Variants in ALPL observed in about 807,000 individuals in gnomAD.
ALPL encodes the protein alkaline phosphatase, tissue-nonspecific isozyme.
Under a neutral mutation model 51.3 loss-of-function variants are expected in ALPL, and 42 were observed. That is an observed-to-expected ratio of 0.82 (90% CI 0.64 to 1.06). The LOEUF (loss-of-function observed/expected upper bound fraction) is 1.06. Ranked by LOEUF, ALPL falls within the 50% of genes least tolerant of loss-of-function variation. The pLI is 0.00. For synonymous variants in ALPL, 279 were observed against 296.4 expected, an observed-to-expected ratio of 0.94 and a Z score of 0.60; for missense variants, 589 against 709.4, an observed-to-expected ratio of 0.83 and a Z score of 1.93.
At chr1:21,532,586 G>A (rs1644044962) in intron 1 of ALPL, among the ~76,000 whole-genome samples, 1 of 152,212 alleles carries the variant, frequency 6.6e-6, no homozygotes, top group Non-Finnish European at 1.5e-5. Context: ...GAATGAGAGA[G>A]TGTAAAAAAT....
intron 11 of ALPL, 132 bp from the exon 12 acceptor site, chr1:21,577,251 C>T: frequency 6.9e-7 from 1 of 1,444,702 alleles, no homozygotes; most frequent in South Asian, 1.2e-5. Flanking sequence ...AATGACTTTC[C>T]CACATTGAGC....
intron 1 of ALPL, among the ~76,000 whole-genome samples, chr1:21,541,537 A>C (rs954546951): frequency 2.0e-4 from 31 of 152,254 alleles, no homozygotes; most frequent in African/African-American, 7.0e-4. Context: ...GGCCTCTGCC[A>C]GCCACGGGGC....
Position 21,545,282 on chromosome 1 carries a change from T to C in ALPL, c.-104-8696T>C, listed in dbSNP as rs11583194. On this transcript the variant is annotated intron_variant, in intron 1 of 11. Transcript: ENST00000374840. ...TCACCAAGTTTTGGGGGTTTTTTTG[T>C]TTTTGTTTTTGTTTTTGTTTTTTTT... is the stretch of plus-strand genomic sequence containing the variant. 2.0e-3 allele frequency among the ~76,000 whole-genome samples: 301 copies of C among 151,688 alleles called. 2 individuals carry two copies. Among genetic ancestry groups the C allele is most frequent in the African/African-American group, 7.1e-3 (294 of 41,276 alleles).
At chr1:21,517,759 G>A (rs931742728) in intron 1 of ALPL, among the ~76,000 whole-genome samples, 2 of 152,056 alleles carry the variant, frequency 1.3e-5, no homozygotes, top group Non-Finnish European at 2.9e-5. Flanking sequence ...TTTGAATGAG[G>A]CAAGGCCTTA....
rs558655702 is a variant in ALPL, at chr1:21,515,956, G to A, written c.-105+6439G>A. Among the ~76,000 whole-genome samples the A allele has an allele frequency of 1.6e-4, 25 of 152,168 alleles. No individual in the cohort carries two copies. The South Asian group carries it at 5.0e-3, about 30-fold the overall frequency. ...TGGCACGATCATGGCTCACTACAGT[G>A]CAGCCTTGACTTCCTGGACTCAAGC... On this transcript the variant is annotated intron_variant, in intron 1 of 11. Coordinates refer to ENST00000374840, the MANE Select transcript of ALPL (RefSeq NM_000478.6).
intron 1 of ALPL, among the ~76,000 whole-genome samples, chr1:21,516,080 A>G (rs1377036588): frequency 6.6e-6 from 1 of 151,858 alleles, no homozygotes; most frequent in Non-Finnish European, 1.5e-5. Context: ...AGGTCTTGCA[A>G]TGTTGCCCAG....
rs920960980 is a variant in ALPL, at chr1:21,568,130, C to T, written c.675C>T (p.Tyr225=). The stretch of plus-strand genomic sequence containing the variant: ...TGATCATGGGGGGTGGCCGGAAATA[C>T]ATGTACCCCAAGAATAAAACTGATG... ...IDVIMGGGRK[Y]MYPKNKTDVE... is the part of the protein sequence containing the mutation. The change falls in exon 7 of 12, where the codon TAC becomes TAT. Residue 225 remains tyrosine, a synonymous_variant. Coordinates refer to ENST00000374840, the MANE Select transcript of ALPL (RefSeq NM_000478.6). The T allele has an allele frequency of 2.3e-5, 37 of 1,613,940 alleles. No homozygotes were observed. Among genetic ancestry groups the T allele is most frequent in the Middle Eastern group, 1.6e-4 (1 of 6,084 alleles).
At chr1:21,573,432 GTC>G (rs1436593957) in intron 8 of ALPL, among the ~76,000 whole-genome samples, 5 of 120,304 alleles carry the variant, frequency 4.2e-5, no homozygotes. Context: ...GTGAGACTCT[GTC>G]TCAAAAAAAA....
intron 1 of ALPL, among the ~76,000 whole-genome samples, chr1:21,533,094 C>CAGTT (rs1644052825): frequency 6.6e-6 from 1 of 152,200 alleles, no homozygotes. Context: ...TATCATGGAG[C>CAGTT]AGTTCTTTCA....
chr1:21,545,813 A>T (rs1644247163), intron 1 of ALPL, among the ~76,000 whole-genome samples: 1 of 151,680 alleles, frequency 6.6e-6, no homozygotes, highest in Non-Finnish European at 1.5e-5. Flanking sequence ...TTATTTTTTT[A>T]TATTTTATTT....
chr1:21,553,850 C>T, intron 1 of ALPL, 128 bp from the exon 2 acceptor site: 2 of 565,426 alleles, frequency 3.5e-6, no homozygotes, highest in Non-Finnish European at 6.5e-6. Context: ...ATGTTGAGCC[C>T]CATGCCTGGT....
chr1:21,509,339 C>CGGGGGCGGGGGA (rs1255137754), upstream of ALPL: 1 of 5,814 alleles, frequency 1.7e-4, no homozygotes, highest in Non-Finnish European at 3.5e-4. This position sits in a 1 kb window ranked among gnomAD's most constrained non-coding sequence, Gnocchi z 6.0. Flanking sequence ...GGGTTGGGGC[C>CGGGGGCGGGGGA]GGGGGCGGGG....
chr1:21,512,289 C>G (rs1028509517), intron 1 of ALPL, among the ~76,000 whole-genome samples: 1 of 152,176 alleles, frequency 6.6e-6, no homozygotes, highest in Non-Finnish European at 1.5e-5. Flanking sequence ...TCATTCCCAG[C>G]ACTGCCATGC....
chr1:21,529,495 C>G (rs6702499), intron 1 of ALPL, among the ~76,000 whole-genome samples: 1 of 152,118 alleles, frequency 6.6e-6, no homozygotes, highest in Non-Finnish European at 1.5e-5. Flanking sequence ...GAATTCCAGT[C>G]ATGAGCCACC....
At chr1:21,542,163 A>G (rs1021037734) in intron 1 of ALPL, among the ~76,000 whole-genome samples, 1 of 151,888 alleles carries the variant, frequency 6.6e-6, no homozygotes, top group Non-Finnish European at 1.5e-5. Flanking sequence ...CTTCCCTATG[A>G]CTCTGCAGCT....
chr1:21,564,802 A>G lies in ALPL; in HGVS notation c.648+586A>G, dbSNP rs116550824. 0.022 allele frequency among the ~76,000 whole-genome samples: 3,356 copies of G among 152,290 alleles called. 118 individuals are homozygous for G. The highest frequency in any genetic ancestry group is 0.077 in the African/African-American group (3,214 of 41,552). ...ATAAGCTTATGCCAAGAACTGATTA[A>G]GATAATCCCTGTGGAGCTCAGCACA... On this transcript the variant is annotated intron_variant, in intron 6 of 11. Transcript: ENST00000374840. The surrounding 1 kb of genome is among the most constrained non-coding windows in gnomAD (Gnocchi z 5.8).
intron 7 of ALPL, among the ~76,000 whole-genome samples, chr1:21,569,982 C>T (rs1570288940): frequency 6.6e-6 from 1 of 152,178 alleles, no homozygotes. Context: ...CTGGAATAGC[C>T]TTCCTGACCC....
Position 21,577,780 on chromosome 1 carries a change from CAA to C in ALPL, c.*134_*135del, listed in dbSNP as rs1644763265. The C allele has an allele frequency of 8.3e-7, 1 of 1,203,484 alleles. No homozygotes were observed. Among genetic ancestry groups the C allele is most frequent in the Non-Finnish European group, 1.1e-6 (1 of 876,552 alleles). 74.6% of individuals were successfully genotyped at this position (1,203,484 alleles called of 1,614,324 possible). A position where few individuals can be genotyped will look rare whatever the true frequency, so the allele number is the denominator to read the frequency against. On this transcript the variant is annotated 3_prime_UTR_variant, in exon 12 of 12. Coordinates refer to ENST00000374840, the MANE Select transcript of ALPL (RefSeq NM_000478.6). ...CTGCAAGAAAGGGGACCCAAGAAACCAAAGTCTGCCGCCCACCTCGCTCCCCT... is the reference window on the plus strand; with the variant it reads ...CTGCAAGAAAGGGGACCCAAGAAACCAGTCTGCCGCCCACCTCGCTCCCCT...
rs995887122 is a variant in ALPL at position 21,509,904 on chromosome 1, C to T, written c.-105+387C>T. On this transcript the variant is annotated intron_variant, in intron 1 of 11. Coordinates refer to ENST00000374840, the MANE Select transcript of ALPL (RefSeq NM_000478.6). The surrounding 1 kb of genome is among the most constrained non-coding windows in gnomAD (Gnocchi z 6.0). ...CCCGTGACTGAGCCCCTCCTGGTGCCTCCTTAGCCGTAGCTCTAGAGACCT... is the reference window on the plus strand; with the variant it reads ...CCCGTGACTGAGCCCCTCCTGGTGCTTCCTTAGCCGTAGCTCTAGAGACCT... 1.3e-5 allele frequency among the ~76,000 whole-genome samples: 2 copies of T among 152,234 alleles called. No homozygotes were observed. Among genetic ancestry groups the T allele is most frequent in the Non-Finnish European group, 2.9e-5 (2 of 68,032 alleles).
Sources: allele counts gnomAD v4.1 joint callset (sites outside exome capture counted in the v4.1 genomes callset), GRCh38; gene constraint gnomAD v4.1.1; non-coding constraint Gnocchi (gnomAD v3.1); transcripts MANE v1.5; gene names NCBI Gene and HGNC (gene_info 2026-07-23, HGNC 2026-07-21).